PTPRN2: variants seen among roughly 807,000 people sequenced by gnomAD.
The protein encoded by PTPRN2 is protein tyrosine phosphatase receptor type N2.
In PTPRN2, 74 loss-of-function variants were observed where a neutral mutation model predicts 118.8. The ratio of observed to expected loss-of-function variants is 0.62; its 90% CI spans 0.52 to 0.76. The LOEUF (loss-of-function observed/expected upper bound fraction) is 0.76. Ranked by LOEUF, PTPRN2 falls within the 30% of genes least tolerant of loss-of-function variation. The pLI is 0.00. For synonymous variants in PTPRN2, 641 were observed against 608.0 expected, an observed-to-expected ratio of 1.05 and a Z score of -0.80; for missense variants, 1,481 against 1,394.4, an observed-to-expected ratio of 1.06 and a Z score of -0.99.
intron 3 of PTPRN2, among the ~76,000 whole-genome samples, chr7:158,302,628 A>T (rs1309712732): frequency 1.3e-5 from 2 of 152,158 alleles, no homozygotes; most frequent in African/African-American, 4.8e-5. Context: ...AACAACCAAA[A>T]CAGGGCAGTT....
chr7:158,369,268 TAC>T (rs59470664), intron 2 of PTPRN2, among the ~76,000 whole-genome samples: 18,827 of 144,878 alleles, frequency 0.13, 1,239 homozygotes, highest in East Asian at 0.16. Context: ...TATACACACA[TAC>T]ACACACACAC....
intron 6 of PTPRN2, among the ~76,000 whole-genome samples, chr7:158,150,244 G>A (rs148535484): frequency 2.6e-5 from 4 of 152,332 alleles, no homozygotes; most frequent in African/African-American, 7.2e-5. Context: ...ATAGATGGAT[G>A]TATTCATGAG....
intron 12 of PTPRN2, among the ~76,000 whole-genome samples, chr7:157,693,773 G>C (rs71538042): frequency 0.16 from 24,174 of 151,278 alleles, 2,438 homozygotes; most frequent in Non-Finnish European, 0.22. Flanking sequence ...CCGCCAGCCC[G>C]CGGCTCTCCT....
intron 12 of PTPRN2, among the ~76,000 whole-genome samples, chr7:157,695,459 A>T (rs184145952): frequency 1.1e-4 from 16 of 152,220 alleles, no homozygotes; most frequent in Admixed American, 5.9e-4. Context: ...AGTATTTACT[A>T]TTATAATATA....
rs544349873 is a variant in PTPRN2, at chr7:158,143,717, A to G, written c.911-5202T>C. 3.3e-5 allele frequency among the ~76,000 whole-genome samples: 5 copies of G among 152,300 alleles called. No individual in the cohort carries two copies. In the East Asian group the frequency reaches 9.6e-4, roughly 29 times the overall value. ...AGAGGCCTCGTCTGGGGCAAAGTCC[A>G]TTATTTCTGATGTCACGATTCGCAG... On this transcript the variant is annotated intron_variant, in intron 6 of 22. Transcript: ENST00000389418.
At position 158,386,263 on chromosome 7, in the gene PTPRN2, T is replaced by A. The variant is rs1485383808; in HGVS notation, c.164-69331A>T. On this transcript the variant is annotated intron_variant, in intron 2 of 22. Coordinates refer to ENST00000389418, the MANE Select transcript of PTPRN2 (RefSeq NM_002847.5). ...GCCCCTCCTCCCTCCTCCCATGCCC[T>A]GAGTCCCTCCTCCCGTGCCCCAAGT... Among the ~76,000 whole-genome samples the A allele has an allele frequency of 1.6e-4, 13 of 79,166 alleles. No homozygotes were observed. In the East Asian group the frequency reaches 1.7e-3, roughly 10 times the overall value. The allele number at this position is 79,166 out of a possible 152,430, so 51.9% of individuals were successfully genotyped here.
chr7:158,139,554 G>A (rs1030916652), intron 6 of PTPRN2, among the ~76,000 whole-genome samples: 3 of 152,102 alleles, frequency 2.0e-5, no homozygotes, highest in African/African-American at 7.2e-5. Context: ...TCAAATCTGG[G>A]AAGGATTGTC....
intron 14 of PTPRN2, among the ~76,000 whole-genome samples, chr7:157,652,953 G>C (rs1383008448): frequency 1.3e-5 from 2 of 152,330 alleles, no homozygotes; most frequent in South Asian, 2.1e-4. Context: ...AGTGCCCCAG[G>C]GCGGGAGGGG....
chr7:157,739,544 C>T (rs1800501466), intron 12 of PTPRN2: 1 of 152,208 alleles, frequency 6.6e-6, no homozygotes. Flanking sequence ...TGAGAAGAGC[C>T]GTCCTGAGTT....
chr7:158,270,829 TGGATGACCCCCTCACCTGGACCGCCCCC>T (rs2150961367), intron 3 of PTPRN2, among the ~76,000 whole-genome samples: 2 of 4,754 alleles, frequency 4.2e-4, no homozygotes, highest in Non-Finnish European at 7.8e-4. Flanking sequence ...CCCCTCCACC[TGGATGACCCCCTCACCTGGACCGCCCCC>T]CCACCTGGAC....
At position 157,619,539 on chromosome 7, in the gene PTPRN2, ATGTAT is replaced by A. The variant is rs1373178424; in HGVS notation, c.2344+1818_2344+1822del. Reference sequence around the variant, plus strand: ...AAATATCTGTTAGTTGGCTAATGGGATGTATTGTATTTTGCTTTTCTTCTAAATAT... The same window carrying A: ...AAATATCTGTTAGTTGGCTAATGGGATGTATTTTGCTTTTCTTCTAAATAT... On this transcript the variant is annotated intron_variant, in intron 15 of 22. Transcript: ENST00000389418. The surrounding 1 kb of genome is among the most constrained non-coding windows in gnomAD (Gnocchi z 5.3). Among the ~76,000 whole-genome samples, 1 of 152,132 alleles carries A rather than the reference ATGTAT, an allele frequency of 6.6e-6. No individual in the cohort carries two copies. Among genetic ancestry groups the A allele is most frequent in the Non-Finnish European group, 1.5e-5 (1 of 68,028 alleles).
chr7:158,021,712 C>G (rs142155892), intron 11 of PTPRN2, among the ~76,000 whole-genome samples: 4 of 152,100 alleles, frequency 2.6e-5, no homozygotes, highest in Non-Finnish European at 5.9e-5. Context: ...GAGGAGCAGC[C>G]CTGCCCCACC....
At chr7:157,683,253 C>G (rs1279684068) in intron 12 of PTPRN2, among the ~76,000 whole-genome samples, 1 of 152,194 alleles carries the variant, frequency 6.6e-6, no homozygotes, top group Non-Finnish European at 1.5e-5. Flanking sequence ...AGTAAAGTAT[C>G]CATCCCTTCT....
At chr7:158,064,276 CCAGGGCTCAGAAG>C (rs1454422398) in intron 11 of PTPRN2, among the ~76,000 whole-genome samples, 13 of 152,308 alleles carry the variant, frequency 8.5e-5, no homozygotes, top group African/African-American at 3.1e-4. Flanking sequence ...GTGTCCAAGT[CCAGGGCTCAGAAG>C]CAGCTGGAGA....
rs1278264133 is a variant in PTPRN2, at chr7:157,615,973, T to C, written c.2344+5389A>G. On this transcript the variant is annotated intron_variant, in intron 15 of 22. Coordinates refer to ENST00000389418, the MANE Select transcript of PTPRN2 (RefSeq NM_002847.5). This position sits in a 1 kb window ranked among gnomAD's most constrained non-coding sequence, Gnocchi z 4.3. The stretch of plus-strand genomic sequence containing the variant: ...CTGGTGGATAAAGTGGGAGGCCTGA[T>C]CCAGGAAGAAGCACACCGTGGCCTG... The C allele has an allele frequency of 8.1e-6, 2 of 246,602 alleles. No homozygotes were observed. The highest frequency in any genetic ancestry group is 1.6e-5 in the Non-Finnish European group (2 of 124,642). 15.3% of individuals were successfully genotyped at this position (246,602 alleles called of 1,614,324 possible). A position where few individuals can be genotyped will look rare whatever the true frequency, so the allele number is the denominator to read the frequency against.
intron 11 of PTPRN2, among the ~76,000 whole-genome samples, chr7:157,971,086 A>G (rs1441476948): frequency 6.6e-6 from 1 of 152,180 alleles, no homozygotes; most frequent in African/African-American, 2.4e-5. Context: ...CTTGTAATTC[A>G]TCTTGCTTAT....
intron 3 of PTPRN2, among the ~76,000 whole-genome samples, chr7:158,264,947 T>C (rs1242866039): frequency 2.6e-5 from 4 of 152,200 alleles, no homozygotes; most frequent in South Asian, 2.1e-4. Context: ...AAGAGCCCCC[T>C]GACCCTCACC....
At position 158,278,403 on chromosome 7, in the gene PTPRN2, C is replaced by T. The variant is rs563051172; in HGVS notation, c.277+38416G>A. Reference sequence around the variant, plus strand: ...AGGTGGGCACCTGTAATCCCAGCTACGCGGGAGGCTGCGGGTGAAGGTGGG... The same window carrying T: ...AGGTGGGCACCTGTAATCCCAGCTATGCGGGAGGCTGCGGGTGAAGGTGGG... On this transcript the variant is annotated intron_variant, in intron 3 of 22. Transcript: ENST00000389418. 8.9e-5 allele frequency among the ~76,000 whole-genome samples: 13 copies of T among 146,864 alleles called. No individual in the cohort carries two copies. In the East Asian group the frequency reaches 1.6e-3, roughly 18 times the overall value.
At position 157,764,029 on chromosome 7, in the gene PTPRN2, C is replaced by T. The variant is rs1802301379; in HGVS notation, c.1789-81092G>A. On this transcript the variant is annotated intron_variant, in intron 12 of 22. Coordinates refer to ENST00000389418, the MANE Select transcript of PTPRN2 (RefSeq NM_002847.5). This position sits in a 1 kb window ranked among gnomAD's most constrained non-coding sequence, Gnocchi z 4.5. The stretch of plus-strand genomic sequence containing the variant: ...GCCACATGAGTGGAGCATGTGGAGG[C>T]TAGGAGAGGCCATGCACGCACCCTC... 6.6e-6 allele frequency among the ~76,000 whole-genome samples: 1 copy of T among 152,176 alleles called. No individual in the cohort carries two copies. The highest frequency in any genetic ancestry group is 2.4e-5 in the African/African-American group (1 of 41,444).
Sources: gnomAD v4.1 joint callset for allele counts (sites outside exome capture counted in the v4.1 genomes callset) on GRCh38, gnomAD v4.1.1 for gene constraint, Gnocchi (gnomAD v3.1) non-coding constraint, MANE v1.5 for transcripts, NCBI Gene and HGNC (gene_info 2026-07-23, HGNC 2026-07-21) for gene names.